Variants in GRB10 observed in about 807,000 individuals in gnomAD.
The protein encoded by GRB10 is growth factor receptor bound protein 10.
A neutral mutation model predicts 80.9 loss-of-function variants in GRB10; 20 were observed. The observed-to-expected ratio is 0.25, with a 90% confidence interval of 0.17 to 0.36. GRB10 has a LOEUF of 0.36. Among genes scored for constraint, GRB10 ranks in the 10% least tolerant of loss-of-function variants. The pLI is 1.00. For synonymous variants in GRB10, 291 were observed against 291.5 expected (o/e 1.00, Z 0.02); for missense variants, 548 against 747.7 (o/e 0.73, Z 3.12).
At chr7:50,611,082 C>T (rs1432578264) in intron 13 of GRB10, among the ~76,000 whole-genome samples, 1 of 152,052 alleles carries the variant, frequency 6.6e-6, no homozygotes, top group Non-Finnish European at 1.5e-5. Flanking sequence ...CACCCCTGGC[C>T]GCTGCCCCTA....
chr7:50,713,773 T>C (rs2153678879), intron 4 of GRB10, among the ~76,000 whole-genome samples: 1 of 137,514 alleles, frequency 7.3e-6, no homozygotes, highest in East Asian at 2.5e-4. Flanking sequence ...ATCCCTCACC[T>C]CCACCTCCTC....
chr7:50,740,109 T>C (rs2071451539), intron 3 of GRB10, among the ~76,000 whole-genome samples: 1 of 152,242 alleles, frequency 6.6e-6, no homozygotes, highest in Admixed American at 6.5e-5. Context: ...TAGAACATTT[T>C]ACTGCATTCC....
chr7:50,710,634 G>A lies in GRB10; in HGVS notation c.52-6726C>T, dbSNP rs115587973. 7.2e-3 allele frequency among the ~76,000 whole-genome samples: 1,102 copies of A among 152,256 alleles called. 13 individuals are homozygous for A. The highest frequency in any genetic ancestry group is 0.025 in the African/African-American group (1,034 of 41,528). ...TGCCATCATCAGTGCGGCGGGCACTGCAGGTGACAAATGGAAGGACTGCAC... is the reference window on the plus strand; with the variant it reads ...TGCCATCATCAGTGCGGCGGGCACTACAGGTGACAAATGGAAGGACTGCAC... On this transcript the variant is annotated intron_variant, in intron 4 of 18. Transcript: ENST00000401949.
intron 5 of GRB10, among the ~76,000 whole-genome samples, chr7:50,702,864 G>A (rs1280346765): frequency 6.6e-6 from 1 of 152,158 alleles, no homozygotes; most frequent in Non-Finnish European, 1.5e-5. Flanking sequence ...CCTAATTCAA[G>A]TATTAACCTA....
upstream of GRB10, among the ~76,000 whole-genome samples, chr7:50,784,099 A>C (rs2078581722): frequency 6.6e-6 from 1 of 152,228 alleles, no homozygotes; most frequent in Admixed American, 6.5e-5. Flanking sequence ...GTCCGGGCTG[A>C]CCACATATGG....
chr7:50,616,155 G>T, intron 11 of GRB10, 55 bp downstream of exon 11: 4 of 1,602,596 alleles, frequency 2.5e-6, no homozygotes, highest in Non-Finnish European at 3.4e-6. Flanking sequence ...CTGAGGACCT[G>T]GGGGGAGTGA....
chr7:50,614,255 C>T (rs1034769353), intron 12 of GRB10, among the ~76,000 whole-genome samples: 8 of 152,184 alleles, frequency 5.3e-5, no homozygotes, highest in South Asian at 2.1e-4. Context: ...TATGTATGCA[C>T]GTGTGGGTAT....
At chr7:50,673,277 G>C (rs1190853823) in intron 6 of GRB10, among the ~76,000 whole-genome samples, 1 of 152,200 alleles carries the variant, frequency 6.6e-6, no homozygotes, top group Non-Finnish European at 1.5e-5. Context: ...AAGGCCCAGA[G>C]AGGCACGCAG....
intron 1 of GRB10, among the ~76,000 whole-genome samples, chr7:50,781,902 C>A (rs927208356): frequency 1.3e-5 from 2 of 152,242 alleles, no homozygotes; most frequent in African/African-American, 4.8e-5. Flanking sequence ...GAGAAAGAGG[C>A]AACGTTGACT....
intron 2 of GRB10, among the ~76,000 whole-genome samples, chr7:50,756,829 A>T (rs1391994782): frequency 6.6e-6 from 1 of 152,192 alleles, no homozygotes; most frequent in East Asian, 1.9e-4. Flanking sequence ...AATACACTGC[A>T]TTGGAATGCC....
chr7:50,605,480 T>C (rs1325084056), intron 14 of GRB10, 74 bp from the exon 15 acceptor site: 1 of 1,192,652 alleles, frequency 8.4e-7, no homozygotes, highest in African/African-American at 1.5e-5. Flanking sequence ...GAAACTATCA[T>C]CAAGACGGTC....
intron 17 of GRB10, among the ~76,000 whole-genome samples, chr7:50,597,015 A>G (rs958171346): frequency 1.3e-5 from 2 of 152,202 alleles, no homozygotes; most frequent in African/African-American, 4.8e-5. Flanking sequence ...CCAAAACCAA[A>G]CTACAATCAT....
At chr7:50,653,770 C>T (rs924534011) in intron 7 of GRB10, among the ~76,000 whole-genome samples, 6 of 152,176 alleles carry the variant, frequency 3.9e-5, no homozygotes, top group Non-Finnish European at 7.3e-5. Context: ...TGACTAGCCA[C>T]CCCTGCCATC....
chr7:50,726,280 T>C (rs1252311539), intron 4 of GRB10, among the ~76,000 whole-genome samples: 1 of 151,930 alleles, frequency 6.6e-6, no homozygotes, highest in Non-Finnish European at 1.5e-5. Context: ...TGCCTATAAT[T>C]CCAGGTACTC....
At chr7:50,625,232 G>A (rs1212013382) in intron 8 of GRB10, among the ~76,000 whole-genome samples, 1 of 152,076 alleles carries the variant, frequency 6.6e-6, no homozygotes, top group Non-Finnish European at 1.5e-5. Flanking sequence ...ATTTCTATGT[G>A]TCCTGAGTGT....
intron 13 of GRB10, among the ~76,000 whole-genome samples, chr7:50,608,174 A>T (rs972449829): frequency 6.6e-6 from 1 of 152,246 alleles, no homozygotes; most frequent in Admixed American, 6.5e-5. Flanking sequence ...AGCATATATC[A>T]TGGAAAAATT....
At chr7:50,751,146 C>T (rs966905188) in intron 3 of GRB10, among the ~76,000 whole-genome samples, 1 of 152,136 alleles carries the variant, frequency 6.6e-6, no homozygotes. Context: ...ACCACTCCTA[C>T]CCCTCTGTAT....
At chr7:50,620,008 G>A (rs566870905) in intron 8 of GRB10, among the ~76,000 whole-genome samples, 2 of 152,186 alleles carry the variant, frequency 1.3e-5, no homozygotes, top group African/African-American at 2.4e-5. Context: ...GGGAAAAGTC[G>A]CTTCCCTCAC....
intron 2 of GRB10, among the ~76,000 whole-genome samples, chr7:50,759,192 CAAAA>C (rs57526722): frequency 2.6e-5 from 3 of 113,608 alleles, no homozygotes; most frequent in Non-Finnish European, 3.4e-5. Context: ...GACTCTGCCT[CAAAA>C]AAAAAAAAAA....
Sources: allele counts gnomAD v4.1 joint callset (sites outside exome capture counted in the v4.1 genomes callset), GRCh38; gene constraint gnomAD v4.1.1; transcripts MANE v1.5; gene names NCBI Gene and HGNC (gene_info 2026-07-23, HGNC 2026-07-21).